The following SETBP1 variants were observed in gnomAD, a reference collection of about 807,000 sequenced individuals.
The protein encoded by SETBP1 is SET binding protein 1.
In SETBP1, 9 loss-of-function variants were observed where a neutral mutation model predicts 101.0. The ratio of observed to expected loss-of-function variants is 0.09; its 90% CI spans 0.05 to 0.16. The LOEUF (loss-of-function observed/expected upper bound fraction) is 0.16, where lower values mean the gene tolerates loss of function less well. Among genes scored for constraint, SETBP1 ranks in the 10% least tolerant of loss-of-function variants. SETBP1 has a pLI of 1.00. For synonymous variants in SETBP1, 818 were observed against 788.5 expected (o/e 1.04, Z -0.63); for missense variants, 1,858 against 2,033.8 (o/e 0.91, Z 1.66).
At chr18:44,753,741 G>A (rs374098706) in intron 2 of SETBP1, among the ~76,000 whole-genome samples, 55 of 152,204 alleles carry the variant, frequency 3.6e-4, no homozygotes, top group African/African-American at 1.2e-3. Context: ...AAGAATAGTG[G>A]AACACTAAAG....
chr18:44,984,181 A>G (rs915360707), intron 4 of SETBP1, among the ~76,000 whole-genome samples: 1 of 150,012 alleles, frequency 6.7e-6, no homozygotes, highest in Non-Finnish European at 1.5e-5. Context: ...AGACAGAGCA[A>G]GACTCCGTCT....
intron 2 of SETBP1, among the ~76,000 whole-genome samples, chr18:44,718,478 G>C (rs1041395868): frequency 1.8e-5 from 2 of 109,630 alleles, no homozygotes; most frequent in African/African-American, 5.6e-5. Flanking sequence ...TAGTAGCAAA[G>C]AGAGAGAGAG....
intron 4 of SETBP1, among the ~76,000 whole-genome samples, chr18:44,974,993 T>C (rs891575804): frequency 6.6e-6 from 1 of 152,212 alleles, no homozygotes; most frequent in African/African-American, 2.4e-5. Context: ...AGGCACTTTT[T>C]GAAATCTGAT....
chr18:45,029,039 G>T (rs1000229283), intron 4 of SETBP1, among the ~76,000 whole-genome samples: 9 of 152,038 alleles, frequency 5.9e-5, no homozygotes, highest in Non-Finnish European at 1.2e-4. Context: ...GTCAATTTTG[G>T]CTTTTGTTGC....
At chr18:44,719,107 A>C (rs528559114) in intron 2 of SETBP1, among the ~76,000 whole-genome samples, 2 of 152,282 alleles carry the variant, frequency 1.3e-5, no homozygotes, top group South Asian at 4.1e-4. Flanking sequence ...AGGAAGAGGA[A>C]GGTAGAATAG....
At chr18:44,703,905 C>G (rs995734193) in intron 2 of SETBP1, among the ~76,000 whole-genome samples, 25 of 152,136 alleles carry the variant, frequency 1.6e-4, no homozygotes, top group Non-Finnish European at 2.6e-4. Flanking sequence ...AAATGAGTAT[C>G]TTTGTTTCTG....
intron 2 of SETBP1, among the ~76,000 whole-genome samples, chr18:44,711,124 C>T (rs1478863449): frequency 1.3e-5 from 2 of 152,156 alleles, no homozygotes; most frequent in East Asian, 1.9e-4. Context: ...CATCTGAGTG[C>T]GTTGAACAGG....
intron 2 of SETBP1, among the ~76,000 whole-genome samples, chr18:44,783,966 C>T (rs987166656): frequency 6.6e-6 from 1 of 152,188 alleles, no homozygotes; most frequent in Non-Finnish European, 1.5e-5. Context: ...AAGTGGGAAG[C>T]CTTGCTTCCA....
chr18:44,891,431 T>A (rs1240965278), intron 3 of SETBP1, among the ~76,000 whole-genome samples: 1 of 152,176 alleles, frequency 6.6e-6, no homozygotes, highest in Non-Finnish European at 1.5e-5. Flanking sequence ...TGTAAGGCAC[T>A]GCAGTGCTTA....
intron 2 of SETBP1, among the ~76,000 whole-genome samples, chr18:44,831,065 T>G (rs2072351928): frequency 6.6e-6 from 1 of 152,220 alleles, no homozygotes; most frequent in Non-Finnish European, 1.5e-5. Context: ...TTCTTTTCTG[T>G]TTTTATTCGC....
chr18:44,952,451 G>A lies in SETBP1; in HGVS notation c.3111G>A (p.Gly1037=). 6.2e-7 allele frequency: 1 copy of A among 1,614,072 alleles called. No individual in the cohort carries two copies. The highest frequency in any genetic ancestry group is 1.7e-5 in the Admixed American group (1 of 60,006). ...TGACAAAGGTGCCTTTTTTACAAGG[G>A]TTCAGCTACCCTATTCCCAGTGGAA... ...DTMTKVPFLQ[G]FSYPIPSGSY... is the part of the protein sequence containing the mutation. The change falls in exon 4 of 6, where the codon GGG becomes GGA. Residue 1037 remains glycine (G), a synonymous_variant. Transcript: ENST00000649279.
chr18:44,914,933 C>T (rs1007118167), intron 3 of SETBP1, among the ~76,000 whole-genome samples: 7 of 151,928 alleles, frequency 4.6e-5, no homozygotes, highest in Non-Finnish European at 5.9e-5. Flanking sequence ...TTAAAATCAA[C>T]GCTTATTTTA....
At chr18:44,694,544 G>A (rs1345513518) in intron 1 of SETBP1, among the ~76,000 whole-genome samples, 1 of 152,214 alleles carries the variant, frequency 6.6e-6, no homozygotes, top group Non-Finnish European at 1.5e-5. Context: ...TAATGCCACT[G>A]AATGTGGAGT....
At chr18:45,021,704 G>T (rs2033132942) in intron 4 of SETBP1, among the ~76,000 whole-genome samples, 1 of 152,084 alleles carries the variant, frequency 6.6e-6, no homozygotes, top group Non-Finnish European at 1.5e-5. Flanking sequence ...CACTAGAGAG[G>T]GAGGGTCTTA....
At chr18:44,936,304 C>G (rs1051859855) in intron 3 of SETBP1, among the ~76,000 whole-genome samples, 1 of 152,168 alleles carries the variant, frequency 6.6e-6, no homozygotes, top group African/African-American at 2.4e-5. Context: ...GGCACTTGAA[C>G]AGTGAAATCT....
chr18:44,850,473 C>G (rs2072829446), intron 2 of SETBP1, among the ~76,000 whole-genome samples: 3 of 152,030 alleles, frequency 2.0e-5, no homozygotes, highest in Admixed American at 1.3e-4. Flanking sequence ...CTGGTTCAAG[C>G]AATTCTCCTG....
At chr18:45,010,467 G>A (rs2072815652) in intron 4 of SETBP1, among the ~76,000 whole-genome samples, 1 of 152,208 alleles carries the variant, frequency 6.6e-6, no homozygotes, top group Non-Finnish European at 1.5e-5. Flanking sequence ...GAACTTGACA[G>A]TGATATGTGT....
chr18:45,037,074 T>C (rs2073412780), intron 4 of SETBP1, among the ~76,000 whole-genome samples: 1 of 152,166 alleles, frequency 6.6e-6, no homozygotes, highest in Admixed American at 6.5e-5. Flanking sequence ...CTATGTGAGG[T>C]AGTGTTACTC....
chr18:44,846,444 A>G (rs1421119815), intron 2 of SETBP1, among the ~76,000 whole-genome samples: 1 of 152,116 alleles, frequency 6.6e-6, no homozygotes, highest in Non-Finnish European at 1.5e-5. Flanking sequence ...CTAGAATACC[A>G]CTAATCTACT....
Sources: allele counts gnomAD v4.1 joint callset (sites outside exome capture counted in the v4.1 genomes callset), GRCh38; gene constraint gnomAD v4.1.1; transcripts MANE v1.5; gene names NCBI Gene and HGNC (gene_info 2026-07-23, HGNC 2026-07-21).